Variants in CDH8 observed in about 807,000 individuals in gnomAD.
CDH8 encodes cadherin-8.
Under a neutral mutation model 68.1 loss-of-function variants are expected in CDH8, and 17 were observed. The ratio of observed to expected loss-of-function variants is 0.25; its 90% CI spans 0.17 to 0.37. The LOEUF is 0.37. Among genes scored for constraint, CDH8 ranks in the 10% least tolerant of loss-of-function variants. The probability of loss-of-function intolerance (pLI) is 1.00; values close to 1 mark genes in which losing one functional copy is unlikely to be tolerated. For synonymous variants in CDH8, 372 were observed against 365.1 expected, an observed-to-expected ratio of 1.02 and a Z score of -0.21; for missense variants, 763 against 999.3, an observed-to-expected ratio of 0.76 and a Z score of 3.19.
At chr16:62,031,550 G>A (rs1902325445) in intron 1 of CDH8, among the ~76,000 whole-genome samples, 1 of 152,112 alleles carries the variant, frequency 6.6e-6, no homozygotes, top group East Asian at 1.9e-4. Flanking sequence ...AGTGGAGGCA[G>A]AGAAAGAAAA....
At position 61,960,116 on chromosome 16, in the gene CDH8, C is replaced by CAT. The variant is rs755965197; in HGVS notation, c.253-58645_253-58644dup. The stretch of plus-strand genomic sequence containing the variant: ...GTGTGTGTATACACATACATATATA[C>CAT]ATATGTGTGTGTGTATACACATACA... On this transcript the variant is annotated intron_variant, in intron 2 of 11. Coordinates refer to ENST00000577390, the MANE Select transcript of CDH8 (RefSeq NM_001796.5). Among the ~76,000 whole-genome samples, 97 of 50,090 alleles carry CAT rather than the reference C, an allele frequency of 1.9e-3. 11 individuals are homozygous for CAT. The highest frequency in any genetic ancestry group is 0.017 in the Middle Eastern group (1 of 58). The allele number at this position is 50,090 out of a possible 152,430, so 32.9% of individuals were successfully genotyped here. A position where few individuals can be genotyped will look rare whatever the true frequency, so the allele number is the denominator to read the frequency against.
At chr16:61,789,606 G>T in intron 7 of CDH8, 124 bp from the exon 8 acceptor site, 4 of 869,306 alleles carry the variant, frequency 4.6e-6, no homozygotes, top group Middle Eastern at 2.4e-4. Context: ...AAACTCAGTG[G>T]CATCATAATT....
intron 2 of CDH8, among the ~76,000 whole-genome samples, chr16:61,964,165 A>C (rs1965206029): frequency 6.6e-6 from 1 of 152,216 alleles, no homozygotes; most frequent in Non-Finnish European, 1.5e-5. Flanking sequence ...CCATCACTAA[A>C]TGTCTAAAGA....
chr16:61,798,651 C>A (rs2142996369), intron 7 of CDH8, among the ~76,000 whole-genome samples: 1 of 152,122 alleles, frequency 6.6e-6, no homozygotes, highest in Non-Finnish European at 1.5e-5. Flanking sequence ...AAGAGATGAG[C>A]AAATGAGGCT....
intron 3 of CDH8, among the ~76,000 whole-genome samples, chr16:61,870,235 T>A (rs16964021): frequency 0.025 from 3,799 of 152,310 alleles, 161 homozygotes; most frequent in African/African-American, 0.087. Flanking sequence ...CAGGGCATGC[T>A]GATGAGATAC....
At chr16:61,981,571 C>A (rs1262628000) in intron 2 of CDH8, among the ~76,000 whole-genome samples, 1 of 152,136 alleles carries the variant, frequency 6.6e-6, no homozygotes, top group Non-Finnish European at 1.5e-5. Flanking sequence ...GTAATCCCTT[C>A]ACTTTTTGTA....
At chr16:61,803,473 C>T (rs1306252116) in intron 7 of CDH8, among the ~76,000 whole-genome samples, 1 of 149,544 alleles carries the variant, frequency 6.7e-6, no homozygotes. Flanking sequence ...ACAATATTAA[C>T]TTTAAATGTA....
chr16:61,816,669 A>G lies in CDH8; in HGVS notation c.1277+810T>C, dbSNP rs139907202. Among the ~76,000 whole-genome samples, 574 of 152,188 alleles carry G rather than the reference A, an allele frequency of 3.8e-3. 12 individuals carry two copies. The highest frequency in any genetic ancestry group is 0.034 in the Admixed American group (513 of 15,268). On this transcript the variant is annotated intron_variant, in intron 7 of 11. Transcript: ENST00000577390. ...TTGGAGACCAGCATAGAAGTTATAG[A>G]TTTTCAGTGTGCTTTCAGGAGAAAG...
intron 1 of CDH8, among the ~76,000 whole-genome samples, chr16:62,027,295 A>C (rs760640470): frequency 6.6e-6 from 1 of 152,216 alleles, no homozygotes; most frequent in African/African-American, 2.4e-5. Flanking sequence ...TGATTCCAAC[A>C]TTATTTTAAG....
intron 10 of CDH8, among the ~76,000 whole-genome samples, chr16:61,697,178 A>T (rs1324191777): frequency 6.6e-6 from 1 of 152,122 alleles, no homozygotes; most frequent in African/African-American, 2.4e-5. Context: ...CATTGAGATG[A>T]TGCTTTTCTG....
intron 4 of CDH8, among the ~76,000 whole-genome samples, chr16:61,836,160 G>C (rs1483775878): frequency 6.6e-6 from 1 of 151,902 alleles, no homozygotes; most frequent in Non-Finnish European, 1.5e-5. Flanking sequence ...TAGTATATCT[G>C]ATCGATCAAT....
chr16:61,673,230 A>G (rs141814792), intron 10 of CDH8, among the ~76,000 whole-genome samples: 6 of 152,148 alleles, frequency 3.9e-5, no homozygotes, highest in African/African-American at 1.4e-4. Context: ...ATAAATTTCT[A>G]TCTTTTTATT....
chr16:61,704,922 G>T (rs1267922910), intron 10 of CDH8, among the ~76,000 whole-genome samples: 1 of 152,140 alleles, frequency 6.6e-6, no homozygotes, highest in African/African-American at 2.4e-5. Flanking sequence ...CCAAGCAAAA[G>T]AATGAAATTC....
chr16:61,813,676 GT>G (rs949583531), intron 7 of CDH8, among the ~76,000 whole-genome samples: 1 of 150,792 alleles, frequency 6.6e-6, no homozygotes, highest in Non-Finnish European at 1.5e-5. Flanking sequence ...TTGCTTTGCT[GT>G]TTTTTTTTCC....
chr16:61,924,178 A>G (rs1177068131), intron 2 of CDH8, among the ~76,000 whole-genome samples: 1 of 152,116 alleles, frequency 6.6e-6, no homozygotes, highest in African/African-American at 2.4e-5. Flanking sequence ...GGATGGTATT[A>G]TTTGGCAATG....
chr16:61,659,163 T>C (rs1963507361), intron 10 of CDH8, among the ~76,000 whole-genome samples: 1 of 152,194 alleles, frequency 6.6e-6, no homozygotes, highest in Admixed American at 6.5e-5. Context: ...TCTACAGATG[T>C]GCTTTCCAGT....
chr16:61,930,450 C>T (rs1200479451), intron 2 of CDH8, among the ~76,000 whole-genome samples: 2 of 152,162 alleles, frequency 1.3e-5, no homozygotes, highest in Non-Finnish European at 2.9e-5. Flanking sequence ...GAATTTAGCA[C>T]ATTAAGTCAC....
intron 2 of CDH8, among the ~76,000 whole-genome samples, chr16:61,929,420 T>G (rs1567532777): frequency 6.6e-6 from 1 of 152,130 alleles, no homozygotes; most frequent in African/African-American, 2.4e-5. Context: ...GGCTAGGTGT[T>G]TTCATTCTCA....
At chr16:61,755,194 G>A (rs1294205716) in intron 8 of CDH8, among the ~76,000 whole-genome samples, 7 of 152,160 alleles carry the variant, frequency 4.6e-5, no homozygotes, top group Non-Finnish European at 1.0e-4. Context: ...CCAGTGAAGA[G>A]TGCAAAGTAT....
Sources: gnomAD v4.1 joint callset for allele counts (sites outside exome capture counted in the v4.1 genomes callset) on GRCh38, gnomAD v4.1.1 for gene constraint, MANE v1.5 for transcripts, NCBI Gene and HGNC (gene_info 2026-07-23, HGNC 2026-07-21) for gene names.